Variants in F8 observed in about 807,000 individuals in gnomAD.
F8 encodes the protein coagulation factor VIII, also known as antihemophilic factor.
Under a neutral mutation model 140.6 loss-of-function variants are expected in F8, and 12 were observed. The observed-to-expected ratio is 0.09, with a 90% CI of 0.05 to 0.14. F8 has a LOEUF of 0.14. F8 is among the 10% of genes least tolerant of loss of function. The pLI is 1.00. For missense variants in F8, 1,354 were observed against 1,720.7 expected, an observed-to-expected ratio of 0.79 and a Z score of 3.77; for synonymous variants, 585 against 614.6, an observed-to-expected ratio of 0.95 and a Z score of 0.71.
At chrX:154,904,181 A>G in intron 17 of F8, 93 bp from the exon 18 acceptor site, 1 of 1,099,711 alleles carries the variant, frequency 9.1e-7, no homozygotes, top group Non-Finnish European at 1.3e-6. Context: ...TGAGGATTCC[A>G]CTCCCACAGA....
chrX:154,927,539 A>G (rs782662513), intron 14 of F8, among the ~76,000 whole-genome samples: 5 of 112,381 alleles, frequency 4.4e-5, no homozygotes, highest in Non-Finnish European at 9.4e-5. Flanking sequence ...GTGGAGGTTC[A>G]TTGCACAGCA....
Position 154,987,388 on chromosome X carries a change from T to A in F8, c.602-83A>T, listed in dbSNP as rs782568220. The A allele has an allele frequency of 1.4e-4, 115 of 841,950 alleles. No homozygotes were observed. In the East Asian group the frequency reaches 3.8e-3, roughly 28 times the overall value. The allele number at this position is 841,950 out of a possible 1,213,427, so 69.4% of individuals were successfully genotyped here. On this transcript the variant is annotated intron_variant, in intron 4 of 25. Coordinates refer to ENST00000360256, the MANE Select transcript of F8 (RefSeq NM_000132.4). ...GTCACTAGGAGGAGACAGTTCTTCA[T>A]CAGTTACTTGACAGTAAGAACAAAT... is the stretch of plus-strand genomic sequence containing the variant.
intron 25 of F8, among the ~76,000 whole-genome samples, chrX:154,851,783 C>T (rs939303518): frequency 9.0e-6 from 1 of 110,997 alleles, no homozygotes; most frequent in African/African-American, 3.3e-5. Context: ...TGTAAGAGTT[C>T]TTTTTATATT....
chrX:154,937,361 T>G (rs1557279318), intron 13 of F8, among the ~76,000 whole-genome samples: 1 of 110,211 alleles, frequency 9.1e-6, no homozygotes, highest in African/African-American at 3.3e-5. Context: ...TTGATGAACC[T>G]ATAACAAAGG....
chrX:154,896,124 C>G lies in F8; in HGVS notation c.6382G>C (p.Gly2128Arg). 8.3e-7 allele frequency: 1 copy of G among 1,210,355 alleles called. No individual in the cohort carries two copies. Among genetic ancestry groups the G allele is most frequent in the Non-Finnish European group, 1.1e-6 (1 of 894,459 alleles). ...SQFIIMYSLD[G>R]KKWQTYRGNS... ...CCTCGATAAGTCTGCCACTTCTTCC[C>G]ATCAAGACTATACATGATGATAAAC... The change falls in exon 22 of 26, where the codon GGG becomes CGG. Residue 2128 changes from glycine to arginine, a missense_variant. Gly to Arg is a moderately radical substitution (Grantham distance 125). Coordinates refer to ENST00000360256, the MANE Select transcript of F8 (RefSeq NM_000132.4).
chrX:154,873,328 G>A (rs1362818483), intron 22 of F8, among the ~76,000 whole-genome samples: 1 of 108,874 alleles, frequency 9.2e-6, no homozygotes, highest in Non-Finnish European at 1.9e-5. Flanking sequence ...CCAGGTTTAA[G>A]TGATTCTCCA....
At chrX:154,972,181 G>A (rs904473325) in intron 6 of F8, among the ~76,000 whole-genome samples, 1 of 112,026 alleles carries the variant, frequency 8.9e-6, no homozygotes, top group Non-Finnish European at 1.9e-5. Flanking sequence ...ATCCTTGCTA[G>A]CACTTGTTAT....
chrX:154,852,670 G>A (rs2072624800), intron 25 of F8, among the ~76,000 whole-genome samples: 5 of 110,840 alleles, frequency 4.5e-5, no homozygotes, highest in Non-Finnish European at 9.4e-5. Flanking sequence ...TTTCAAGATT[G>A]TTTTGGCTAT....
intron 21 of F8, among the ~76,000 whole-genome samples, chrX:154,898,336 C>G (rs1227781596): frequency 1.8e-5 from 2 of 112,308 alleles, no homozygotes; most frequent in African/African-American, 6.5e-5. Context: ...CTTAGTAGGA[C>G]AGATGGCAAA....
At chrX:154,858,124 G>A (rs1433846011) in intron 25 of F8, among the ~76,000 whole-genome samples, 1 of 112,100 alleles carries the variant, frequency 8.9e-6, no homozygotes, top group African/African-American at 3.2e-5. Context: ...GGGCAACAGA[G>A]CAAGACTCCA....
chrX:154,989,939 A>G (rs995602470), intron 4 of F8, among the ~76,000 whole-genome samples: 2 of 112,036 alleles, frequency 1.8e-5, no homozygotes, highest in South Asian at 7.4e-4. Context: ...TCTTTCCCCT[A>G]TTGAATGGTT....
intron 22 of F8, among the ~76,000 whole-genome samples, chrX:154,877,221 G>A (rs2072823532): frequency 8.9e-6 from 1 of 111,975 alleles, no homozygotes; most frequent in Non-Finnish European, 1.9e-5. Context: ...TGGCAAGAGG[G>A]ATTTAAGGTT....
chrX:155,016,659 G>A (rs938940074), intron 1 of F8, among the ~76,000 whole-genome samples: 2 of 112,635 alleles, frequency 1.8e-5, no homozygotes, highest in Non-Finnish European at 1.9e-5. Flanking sequence ...AATACATACC[G>A]TATGATTCCA....
intron 14 of F8, among the ~76,000 whole-genome samples, chrX:154,908,611 A>G (rs1189681738): frequency 8.9e-6 from 1 of 112,308 alleles, no homozygotes; most frequent in Non-Finnish European, 1.9e-5. Flanking sequence ...GGTACTCTTT[A>G]AAGTTTCTCA....
At chrX:154,861,917 GT>G in intron 23 of F8, 51 bp from the exon 24 acceptor site, 1 of 1,159,143 alleles carries the variant, frequency 8.6e-7, no homozygotes, top group Non-Finnish European at 1.2e-6. Context: ...TTCAGCCTCA[GT>G]TATACTGAGC....
chrX:154,917,073 T>C (rs782345378), intron 14 of F8, among the ~76,000 whole-genome samples: 1 of 112,094 alleles, frequency 8.9e-6, no homozygotes, highest in South Asian at 3.6e-4. Context: ...TTTCCATGTA[T>C]TTGTATAGTT....
rs1184930129 is a variant in F8, at chrX:154,972,707, C to CTT, written c.788-3157_788-3156dup. ...GTTCTTTTCTTTTCTTTCTGTCTTTCTTTTTTTTTTTTTTTTTTTTTTTTT... is the reference window on the plus strand; with the variant it reads ...GTTCTTTTCTTTTCTTTCTGTCTTTCTTTTTTTTTTTTTTTTTTTTTTTTTTT... On this transcript the variant is annotated intron_variant, in intron 6 of 25. Transcript: ENST00000360256. Among the ~76,000 whole-genome samples the CTT allele has an allele frequency of 7.8e-3, 429 of 55,260 alleles. 74 individuals carry two copies. The highest frequency in any genetic ancestry group is 0.017 in the African/African-American group (255 of 14,643). The allele number at this position is 55,260 out of a possible 115,157, so 48.0% of individuals were successfully genotyped here. A position where few individuals can be genotyped will look rare whatever the true frequency, so the allele number is the denominator to read the frequency against.
At chrX:154,960,725 A>G (rs2073391279) in intron 10 of F8, among the ~76,000 whole-genome samples, 1 of 111,094 alleles carries the variant, frequency 9.0e-6, no homozygotes, top group African/African-American at 3.3e-5. Flanking sequence ...ATGTAGCTGA[A>G]AACCGTACTC....
At chrX:154,886,025 C>T (rs1207899565) in intron 22 of F8, 3 of 441,492 alleles carry the variant, frequency 6.8e-6, no homozygotes, top group Non-Finnish European at 9.6e-6. Flanking sequence ...TCACGAGTTT[C>T]GTTTGGGTCA....
Sources: allele counts gnomAD v4.1 joint callset (sites outside exome capture counted in the v4.1 genomes callset), GRCh38; gene constraint gnomAD v4.1.1; transcripts MANE v1.5; gene names NCBI Gene and HGNC (gene_info 2026-07-23, HGNC 2026-07-21).